The following SNX7 variants were observed in gnomAD, a reference collection of about 807,000 sequenced individuals.
The protein encoded by SNX7 is sorting nexin-7.
SNX7 carries 35 observed loss-of-function variants against 48.4 expected under a neutral mutation model. The ratio of observed to expected loss-of-function variants is 0.72; its 90% CI spans 0.55 to 0.96. SNX7 has a LOEUF of 0.96. Ranked by LOEUF, SNX7 falls within the 40% of genes least tolerant of loss-of-function variation. SNX7 has a pLI of 0.00. For missense variants in SNX7, 553 were observed against 548.9 expected (o/e 1.01, Z -0.07); for synonymous variants, 190 against 190.2 (o/e 1.00, Z 0.01).
At chr1:98,733,205 A>G (rs986826479) in intron 7 of SNX7, among the ~76,000 whole-genome samples, 18 of 140,226 alleles carry the variant, frequency 1.3e-4, no homozygotes, top group African/African-American at 4.6e-4. Flanking sequence ...GTTAACCTTC[A>G]GGCCATCATC....
At chr1:98,662,323 A>T (rs1649284608) in intron 1 of SNX7, 1 of 166,040 alleles carries the variant, frequency 6.0e-6, no homozygotes, top group South Asian at 1.7e-4. Context: ...CTGGGAGAGC[A>T]GCCAAGTTTA....
chr1:98,681,129 A>T (rs540969553), intron 1 of SNX7, among the ~76,000 whole-genome samples: 1 of 152,200 alleles, frequency 6.6e-6, no homozygotes, highest in Non-Finnish European at 1.5e-5. Context: ...AGTAAGTCAC[A>T]TCTTACATGG....
Position 98,752,168 on chromosome 1 carries a change from A to G in SNX7, c.1279-7886A>G, listed in dbSNP as rs192275354. On this transcript the variant is annotated intron_variant, in intron 8 of 8. Transcript: ENST00000306121. The stretch of plus-strand genomic sequence containing the variant: ...TATTAATGATTCTTTATATCCTCCA[A>G]TTATGATCCTGAGGACAGTAAATAC... Among the ~76,000 whole-genome samples the G allele has an allele frequency of 2.0e-4, 30 of 152,204 alleles. 1 individual carries two copies. The highest frequency in any genetic ancestry group is 6.3e-4 in the African/African-American group (26 of 41,556).
rs781339770 is a variant in SNX7, at chr1:98,691,160, A to C, written c.449A>C (p.Glu150Ala). 9.3e-6 allele frequency: 15 copies of C among 1,610,372 alleles called. No homozygotes were observed. The highest frequency in any genetic ancestry group is 1.3e-5 in the African/African-American group (1 of 74,688). ...CTTTGGTTGAAGGGAAAACTGGAAG[A>C]AGCACACCCCACTCTGATTATTCCA... ...DFLWLKGKLE[E>A]AHPTLIIPPL... Residue 150 changes from glutamate to alanine, a missense_variant, in exon 3 of 9, where the codon GAA becomes GCA. Coordinates refer to ENST00000306121, the MANE Select transcript of SNX7 (RefSeq NM_015976.5).
intron 1 of SNX7, among the ~76,000 whole-genome samples, chr1:98,677,955 A>G (rs1650261638): frequency 6.6e-6 from 1 of 151,110 alleles, no homozygotes; most frequent in South Asian, 2.1e-4. Flanking sequence ...GTATCTAGCC[A>G]TAGATCTAGA....
intron 1 of SNX7, among the ~76,000 whole-genome samples, chr1:98,680,055 T>A (rs1650393145): frequency 6.6e-6 from 1 of 152,218 alleles, no homozygotes; most frequent in Admixed American, 6.5e-5. Flanking sequence ...TCCATCCCTA[T>A]AGCAAACTTC....
chr1:98,749,967 G>T (rs949651422), intron 8 of SNX7, among the ~76,000 whole-genome samples: 1 of 151,966 alleles, frequency 6.6e-6, no homozygotes, highest in Non-Finnish European at 1.5e-5. Context: ...TACTGAGAAA[G>T]ATGTAATTAT....
intron 7 of SNX7, among the ~76,000 whole-genome samples, chr1:98,719,158 T>C (rs1652737047): frequency 6.6e-6 from 1 of 152,110 alleles, no homozygotes; most frequent in Non-Finnish European, 1.5e-5. Context: ...CTTCGTGGAT[T>C]AGAGATAATA....
At chr1:98,710,480 A>G (rs1652244854) in intron 7 of SNX7, among the ~76,000 whole-genome samples, 1 of 152,114 alleles carries the variant, frequency 6.6e-6, no homozygotes, top group Non-Finnish European at 1.5e-5. Context: ...AAAAAGTAAC[A>G]GATGGACAAG....
At chr1:98,717,044 A>T (rs1388044444) in intron 7 of SNX7, among the ~76,000 whole-genome samples, 1 of 152,076 alleles carries the variant, frequency 6.6e-6, no homozygotes, top group African/African-American at 2.4e-5. Context: ...AATAAATTGT[A>T]AATTGCCACT....
At chr1:98,663,462 A>G (rs1042278002) in intron 1 of SNX7, among the ~76,000 whole-genome samples, 4 of 151,726 alleles carry the variant, frequency 2.6e-5, no homozygotes, top group African/African-American at 9.7e-5. Context: ...TCAATGTTTA[A>G]ATGAGGTCCT....
At chr1:98,739,001 T>C (rs1653935405) in intron 8 of SNX7, among the ~76,000 whole-genome samples, 1 of 152,180 alleles carries the variant, frequency 6.6e-6, no homozygotes, top group Non-Finnish European at 1.5e-5. Flanking sequence ...AACAAAATTA[T>C]GTCTTACAGC....
rs1246984252 is a variant in SNX7 at position 98,691,610 on chromosome 1, G to C, written c.550G>C (p.Ala184Pro). The C allele has an allele frequency of 6.2e-7, 1 of 1,611,768 alleles. No homozygotes were observed. The highest frequency in any genetic ancestry group is 8.5e-7 in the Non-Finnish European group (1 of 1,178,704). ...NDDFIETRRK[A>P]LHKFLNRIAD... ...TGACTTCATTGAGACACGCAGGAAG[G>C]CTTTACATAAATTTTTGAACCGAAT... The change falls in exon 4 of 9, where the codon GCT (alanine) becomes CCT (proline). Residue 184 changes from alanine (A) to proline (P), a missense_variant. Ala to Pro is a conservative substitution (Grantham distance 27). Coordinates refer to ENST00000306121, the MANE Select transcript of SNX7 (RefSeq NM_015976.5).
intron 8 of SNX7, among the ~76,000 whole-genome samples, chr1:98,741,799 A>G (rs1002550077): frequency 3.9e-5 from 6 of 152,110 alleles, no homozygotes; most frequent in African/African-American, 1.4e-4. Flanking sequence ...GTTGCTGTCA[A>G]TGCTGATGAT....
intron 6 of SNX7, among the ~76,000 whole-genome samples, chr1:98,700,177 A>G (rs919745099): frequency 6.6e-6 from 1 of 152,200 alleles, no homozygotes; most frequent in African/African-American, 2.4e-5. Flanking sequence ...GGGTATAATA[A>G]GTAGTACTTA....
chr1:98,711,669 T>C (rs1483512714), intron 7 of SNX7, among the ~76,000 whole-genome samples: 2 of 152,228 alleles, frequency 1.3e-5, no homozygotes, highest in African/African-American at 4.8e-5. Context: ...GTGTCTTTCC[T>C]TTATGTTGAT....
chr1:98,692,685 C>T (rs1310123026), intron 4 of SNX7, among the ~76,000 whole-genome samples: 1 of 152,048 alleles, frequency 6.6e-6, no homozygotes, highest in Non-Finnish European at 1.5e-5. Context: ...TGGAGCTCAC[C>T]ACAAATAGCA....
chr1:98,696,938 A>T (rs1429996119), intron 5 of SNX7, among the ~76,000 whole-genome samples: 2 of 152,124 alleles, frequency 1.3e-5, no homozygotes, highest in African/African-American at 4.8e-5. Context: ...TAGTTGGGAA[A>T]TATGTATATT....
intron 8 of SNX7, among the ~76,000 whole-genome samples, chr1:98,756,446 T>A (rs979678767): frequency 1.5e-5 from 2 of 136,826 alleles, no homozygotes; most frequent in South Asian, 2.3e-4. Context: ...TTTTTTTTTT[T>A]AATATTGGTT....
Sources: allele counts gnomAD v4.1 joint callset (sites outside exome capture counted in the v4.1 genomes callset), GRCh38; gene constraint gnomAD v4.1.1; transcripts MANE v1.5; gene names NCBI Gene and HGNC (gene_info 2026-07-23, HGNC 2026-07-21).